The following MINDY1 variants were observed in gnomAD, a reference collection of about 807,000 sequenced individuals.
MINDY1 encodes ubiquitin carboxyl-terminal hydrolase MINDY-1.
A neutral mutation model predicts 53.6 loss-of-function variants in MINDY1; 50 were observed. The observed-to-expected ratio is 0.93, with a 90% CI of 0.74 to 1.18. MINDY1 has a LOEUF of 1.18. MINDY1 is among the 50% of genes most tolerant of loss of function. The pLI is 0.00. For missense variants in MINDY1, 484 were observed against 578.6 expected, an observed-to-expected ratio of 0.84 and a Z score of 1.68; for synonymous variants, 231 against 234.7, an observed-to-expected ratio of 0.98 and a Z score of 0.14.
upstream of MINDY1, chr1:151,008,322 G>T (rs372795645): frequency 9.4e-5 from 123 of 1,310,576 alleles, 1 homozygote; most frequent in South Asian, 1.9e-3. Flanking sequence ...GCGGAGTTGC[G>T]GGACTACGTT....
At position 150,999,775 on chromosome 1, in the gene MINDY1, T is replaced by C. The variant is rs1672324284; in HGVS notation, c.838+87A>G. 1.2e-5 allele frequency: 15 copies of C among 1,204,538 alleles called. No individual in the cohort carries two copies. Among genetic ancestry groups the C allele is most frequent in the Non-Finnish European group, 1.7e-5 (14 of 831,352 alleles). The allele number at this position is 1,204,538 out of a possible 1,614,324, so 74.6% of individuals were successfully genotyped here. ...TGTGAAGCTTATATCTAGTGGGATG[T>C]GGTAGGAGATGACACCCAATAAAAA... On this transcript the variant is annotated intron_variant, in intron 6 of 9. Coordinates refer to ENST00000683666, the MANE Select transcript of MINDY1 (RefSeq NM_001376665.1). This position sits in a 1 kb window ranked among gnomAD's most constrained non-coding sequence, Gnocchi z 4.4.
chr1:150,998,094 C>A lies in MINDY1; in HGVS notation c.1161G>T (p.Leu387=). 1 of 1,611,452 alleles carries A rather than the reference C, an allele frequency of 6.2e-7. No individual in the cohort carries two copies. The highest frequency in any genetic ancestry group is 8.5e-7 in the Non-Finnish European group (1 of 1,179,362). Residue 387 remains leucine, a synonymous_variant, in exon 8 of 10, where the codon CTG becomes CTT. Transcript: ENST00000683666. ...EGGSGSPETQ[L]QVDQDYLIAL... Reference sequence around the variant, plus strand: ...GTGCCCTACACACCTGGTCTACCTGCAGCTGCGTTTCTGGGGAGCCACTCC... The same window carrying A: ...GTGCCCTACACACCTGGTCTACCTGAAGCTGCGTTTCTGGGGAGCCACTCC...
rs377539615 is a variant in MINDY1, at chr1:151,002,277, T to G, written c.341A>C (p.Tyr114Ser). 6.2e-7 allele frequency: 1 copy of G among 1,614,198 alleles called. No individual in the cohort carries two copies. Among genetic ancestry groups the G allele is most frequent in the Non-Finnish European group, 8.5e-7 (1 of 1,180,038 alleles). The change falls in exon 2 of 10, where the codon TAC becomes TCC. Residue 114 changes from tyrosine (Y) to serine (S), a missense_variant. Physicochemically the swap from Tyr to Ser is moderately radical, Grantham distance 144. Transcript: ENST00000683666. The surrounding 1 kb of genome is among the most constrained non-coding windows in gnomAD (Gnocchi z 4.1). ...TTTCCAAGGGATCCACTTGACACAGTAGAAATCTGGCTCAGGCTGTCGGGT... is the reference window on the plus strand; with the variant it reads ...TTTCCAAGGGATCCACTTGACACAGGAGAAATCTGGCTCAGGCTGTCGGGT... ...PRTRQPEPDF[Y>S]CVKWIPWKGE...
Position 151,000,459 on chromosome 1 carries a change from G to A in MINDY1, c.733C>T (p.Gln245Ter). 1 of 1,602,172 alleles carries A rather than the reference G, an allele frequency of 6.2e-7. No homozygotes were observed. The highest frequency in any genetic ancestry group is 8.5e-7 in the Non-Finnish European group (1 of 1,174,568). ...CCAGTGGGCCCTCCCACCCTCACCT[G>A]TGGATCAACAAGCCAGCCATGGTAC... ...PLYHGWLVDPQSPEAVRAVGK... is the reference protein window; with the variant it reads ...PLYHGWLVDP The change falls in exon 5 of 10, where the codon CAG becomes TAG. Residue 245 changes from glutamine to a stop codon, truncating the protein, a stop_gained and splice_region_variant. Transcript: ENST00000683666. LOFTEE classifies it high-confidence loss of function.
rs1472683290 is a variant in MINDY1 at position 151,002,144 on chromosome 1, C to T, written c.453+21G>A. On this transcript the variant is annotated intron_variant, in intron 2 of 9. Coordinates refer to ENST00000683666, the MANE Select transcript of MINDY1 (RefSeq NM_001376665.1). This position sits in a 1 kb window ranked among gnomAD's most constrained non-coding sequence, Gnocchi z 4.1. ...AGTACTCCCTGATATTTTTTGCACCCCTAACTGCATGTTCTCTTACCTTCC... is the reference window on the plus strand; with the variant it reads ...AGTACTCCCTGATATTTTTTGCACCTCTAACTGCATGTTCTCTTACCTTCC... 1.1e-5 allele frequency: 17 copies of T among 1,573,290 alleles called. No homozygotes were observed. The African/African-American group carries it at 1.9e-4, about 18-fold the overall frequency.
rs772832638 is a variant in MINDY1 at position 151,002,736 on chromosome 1, G to A, written c.-89-30C>T. 2 of 1,535,546 alleles carry A rather than the reference G, an allele frequency of 1.3e-6. No individual in the cohort carries two copies. The highest frequency in any genetic ancestry group is 8.8e-7 in the Non-Finnish European group (1 of 1,139,700). On this transcript the variant is annotated intron_variant, in intron 1 of 9. Transcript: ENST00000683666. This position sits in a 1 kb window ranked among gnomAD's most constrained non-coding sequence, Gnocchi z 4.1. ...CCAATAAGAAGGAAATCAGTGGGCT[G>A]GAAAGCAAACTAACCCAGAAAAGTC...
rs1673195566 is a variant in MINDY1 at position 151,006,294 on chromosome 1, T to C, written c.-90+18A>G. On this transcript the variant is annotated intron_variant, in intron 1 of 9. Transcript: ENST00000683666. ...GTGGGAGAAGAGGTGAAGAAGATGATTAAAATAAAGTTTTTACCTTAAAGA... is the reference window on the plus strand; with the variant it reads ...GTGGGAGAAGAGGTGAAGAAGATGACTAAAATAAAGTTTTTACCTTAAAGA... 1.4e-6 allele frequency: 2 copies of C among 1,427,898 alleles called. No homozygotes were observed. The highest frequency in any genetic ancestry group is 1.5e-5 in the South Asian group (1 of 65,544). 88.5% of individuals were successfully genotyped at this position (1,427,898 alleles called of 1,614,324 possible). A position where few individuals can be genotyped will look rare whatever the true frequency, so the allele number is the denominator to read the frequency against.
In MINDY1 at chr1:150,997,006, C is replaced by G. The variant is rs1299968893; in HGVS notation, c.*281G>C. 25 of 469,374 alleles carry G rather than the reference C, an allele frequency of 5.3e-5. No individual in the cohort carries two copies. The South Asian group carries it at 6.1e-4, about 11-fold the overall frequency. 29.1% of individuals were successfully genotyped at this position (469,374 alleles called of 1,614,324 possible). A position where few individuals can be genotyped will look rare whatever the true frequency, so the allele number is the denominator to read the frequency against. On this transcript the variant is annotated 3_prime_UTR_variant, in exon 10 of 10. Coordinates refer to ENST00000683666, the MANE Select transcript of MINDY1 (RefSeq NM_001376665.1). ...TGCATTCTGGATAGGGACCTCACCC[C>G]AGAGCCTCAGTCTGTACATACGTGT...
intron 1 of MINDY1, among the ~76,000 whole-genome samples, chr1:151,004,622 C>T (rs1226651401): frequency 1.1e-4 from 16 of 151,848 alleles, no homozygotes; most frequent in East Asian, 3.9e-4. Context: ...CACAGCTGCT[C>T]GGGAGGCTGA....
chr1:151,002,580 T>C lies in MINDY1; in HGVS notation c.38A>G (p.Lys13Arg). The change falls in exon 2 of 10, where the codon AAG (lysine) becomes AGG (arginine). Residue 13 changes from lysine to arginine, a missense_variant. Lys to Arg is a conservative substitution (Grantham distance 26). Coordinates refer to ENST00000683666, the MANE Select transcript of MINDY1 (RefSeq NM_001376665.1). This position sits in a 1 kb window ranked among gnomAD's most constrained non-coding sequence, Gnocchi z 4.1. ...YHQPEDPAPGKAGTAEAVIPE... is the reference protein window; with the variant it reads ...YHQPEDPAPGRAGTAEAVIPE... ...GATGACTGCTTCTGCAGTCCCGGCCTTACCAGGGGCTGGATCCTCAGGCTG... is the reference window on the plus strand; with the variant it reads ...GATGACTGCTTCTGCAGTCCCGGCCCTACCAGGGGCTGGATCCTCAGGCTG... 3 of 1,614,198 alleles carry C rather than the reference T, an allele frequency of 1.9e-6. No homozygotes were observed. Among genetic ancestry groups the C allele is most frequent in the Non-Finnish European group, 2.5e-6 (3 of 1,180,030 alleles).
At chr1:150,996,541 AAAG>A (rs1389925947), downstream of MINDY1, 2 of 151,752 alleles carry the variant, frequency 1.3e-5, no homozygotes, top group East Asian at 1.9e-4. Context: ...AGATCTCAGG[AAAG>A]AAGGTTTTTT....
intron 4 of MINDY1, 86 bp from the exon 5 acceptor site, chr1:151,000,701 G>C: frequency 2.8e-6 from 4 of 1,432,508 alleles, no homozygotes; most frequent in Non-Finnish European, 2.8e-6. Flanking sequence ...AATTAACCTT[G>C]CTGCTCTTCT....
At chr1:151,007,291 G>C (rs587739527), upstream of MINDY1, among the ~76,000 whole-genome samples, 1 of 152,298 alleles carries the variant, frequency 6.6e-6, no homozygotes, top group South Asian at 2.1e-4. Context: ...GGATCACAAG[G>C]TCAAGAGATC....
Position 150,999,880 on chromosome 1 carries a change from T to C in MINDY1, c.820A>G (p.Thr274Ala). Reference sequence around the variant, plus strand: ...ATGTCACCTTCTGTCACGAGGTTGGTGTCACTGGAGTGTTTGCAGGTGATG... The same window carrying C: ...ATGTCACCTTCTGTCACGAGGTTGGCGTCACTGGAGTGTTTGCAGGTGATG... The part of the protein sequence containing the change: ...RIITCKHSSD[T>A]NLVTEGLIAE... The change falls in exon 6 of 10, where the codon ACC becomes GCC. Residue 274 changes from threonine to alanine, a missense_variant. Transcript: ENST00000683666. This position sits in a 1 kb window ranked among gnomAD's most constrained non-coding sequence, Gnocchi z 4.4. 8 of 1,614,024 alleles carry C rather than the reference T, an allele frequency of 5.0e-6. No homozygotes were observed. Among genetic ancestry groups the C allele is most frequent in the Non-Finnish European group, 6.8e-6 (8 of 1,179,972 alleles).
chr1:150,999,412 ACG>A lies in MINDY1; in HGVS notation c.936_937del (p.Val313LeufsTer8). 6.2e-7 allele frequency: 1 copy of A among 1,614,090 alleles called. No homozygotes were observed. Among genetic ancestry groups the A allele is most frequent in the Non-Finnish European group, 8.5e-7 (1 of 1,180,004 alleles). On this transcript the variant is annotated frameshift_variant, in exon 7 of 10. Transcript: ENST00000683666. LOFTEE classifies it high-confidence loss of function. The surrounding 1 kb of genome is among the most constrained non-coding windows in gnomAD (Gnocchi z 4.4). Reference sequence around the variant, plus strand: ...GCTAAAGTGGTTGTTTCGGAAAAAGACGCTAAGTTCACCCTCCTTAGCAGCTG... The same window carrying A: ...GCTAAAGTGGTTGTTTCGGAAAAAGACTAAGTTCACCCTCCTTAGCAGCTG...
At chr1:151,001,645 C>A in intron 3 of MINDY1, 80 bp downstream of exon 3, 3 of 1,532,828 alleles carry the variant, frequency 2.0e-6, no homozygotes, top group East Asian at 2.3e-5. Context: ...AATGGAGATC[C>A]CTGAATAGTC....
At position 151,000,618 on chromosome 1, in the gene MINDY1, G is replaced by A; in HGVS notation, c.577-3C>T. The A allele has an allele frequency of 6.2e-7, 1 of 1,601,800 alleles. No individual in the cohort carries two copies. The highest frequency in any genetic ancestry group is 8.5e-7 in the Non-Finnish European group (1 of 1,175,208). ...ACTGTCATTGCATCATCCACATTCTGGGGGTAGAAAAAAAAATGATGGAGA... is the reference window on the plus strand; with the variant it reads ...ACTGTCATTGCATCATCCACATTCTAGGGGTAGAAAAAAAAATGATGGAGA... On this transcript the variant is annotated splice_polypyrimidine_tract_variant and splice_region_variant and intron_variant, in intron 4 of 9. Transcript: ENST00000683666.
intron 1 of MINDY1, among the ~76,000 whole-genome samples, chr1:151,003,230 C>G (rs1001015652): frequency 6.6e-6 from 1 of 152,154 alleles, no homozygotes; most frequent in Non-Finnish European, 1.5e-5. Flanking sequence ...TTTAGGGATA[C>G]CTTCTCTCTG....
At chr1:151,001,690 C>G (rs767122250) in intron 3 of MINDY1, 35 bp downstream of exon 3, 2 of 1,608,806 alleles carry the variant, frequency 1.2e-6, no homozygotes, top group Non-Finnish European at 1.7e-6. Flanking sequence ...TCTGGAGCCC[C>G]TTGGGTAATT....
Sources: gnomAD v4.1 joint callset for allele counts (sites outside exome capture counted in the v4.1 genomes callset) on GRCh38, gnomAD v4.1.1 for gene constraint, Gnocchi (gnomAD v3.1) non-coding constraint, MANE v1.5 for transcripts, NCBI Gene and HGNC (gene_info 2026-07-23, HGNC 2026-07-21) for gene names.